Variants in KLF12 observed in about 807,000 individuals in gnomAD.
KLF12 encodes the protein KLF transcription factor 12.
Under a neutral mutation model 37.8 loss-of-function variants are expected in KLF12, and 9 were observed. The ratio of observed to expected loss-of-function variants is 0.24; its 90% CI spans 0.14 to 0.42. KLF12 has a LOEUF of 0.42. Ranked by LOEUF, KLF12 falls within the 10% of genes least tolerant of loss-of-function variation. The probability of loss-of-function intolerance (pLI) is 1.00; values close to 1 mark genes in which losing one functional copy is unlikely to be tolerated. For missense variants in KLF12, 411 were observed against 516.0 expected (o/e 0.80, Z 1.97); for synonymous variants, 208 against 202.1 (o/e 1.03, Z -0.25).
chr13:74,022,769 G>A (rs552816997), intron 1 of KLF12, among the ~76,000 whole-genome samples: 3 of 150,636 alleles, frequency 2.0e-5, no homozygotes, highest in East Asian at 1.9e-4. Context: ...CGTATTGGCC[G>A]CCTCCTTTGA....
At chr13:73,896,958 G>A (rs1340758084) in intron 3 of KLF12, among the ~76,000 whole-genome samples, 1 of 152,074 alleles carries the variant, frequency 6.6e-6, no homozygotes, top group African/African-American at 2.4e-5. Context: ...CCTGGGCAAA[G>A]TCTTTGTCAT....
At chr13:73,700,582 T>TA (rs1566305329) in intron 7 of KLF12, among the ~76,000 whole-genome samples, 4 of 150,060 alleles carry the variant, frequency 2.7e-5, no homozygotes, top group Admixed American at 6.6e-5. Context: ...TCACCATGCT[T>TA]AAAAAAAAAA....
chr13:74,033,907 A>T (rs1301519838), intron 1 of KLF12, among the ~76,000 whole-genome samples: 4 of 151,708 alleles, frequency 2.6e-5, no homozygotes, highest in African/African-American at 9.7e-5. Flanking sequence ...TAGTTATTAC[A>T]GTTTCTTCCA....
intron 6 of KLF12, among the ~76,000 whole-genome samples, chr13:73,738,826 A>C (rs779130242): frequency 6.6e-6 from 1 of 152,184 alleles, no homozygotes; most frequent in Non-Finnish European, 1.5e-5. Flanking sequence ...TGAGGTTTAC[A>C]GTTAAATGCC....
At chr13:73,972,709 T>C (rs1891382934) in intron 2 of KLF12, among the ~76,000 whole-genome samples, 1 of 150,530 alleles carries the variant, frequency 6.6e-6, no homozygotes, top group African/African-American at 2.5e-5. Flanking sequence ...GACTCCTGGC[T>C]GAAATCTTGC....
intron 2 of KLF12, among the ~76,000 whole-genome samples, chr13:73,952,171 A>C (rs1462666211): frequency 6.6e-6 from 1 of 152,222 alleles, no homozygotes; most frequent in African/African-American, 2.4e-5. Flanking sequence ...GAGTCAGGTC[A>C]TGAAGGGTTG....
At chr13:73,823,607 C>T (rs568851291) in intron 4 of KLF12, among the ~76,000 whole-genome samples, 24 of 152,272 alleles carry the variant, frequency 1.6e-4, no homozygotes, top group Non-Finnish European at 2.5e-4. Context: ...AAGATATGGT[C>T]TAAGACTATC....
At chr13:74,024,769 G>C (rs1047899033) in intron 1 of KLF12, among the ~76,000 whole-genome samples, 5 of 152,072 alleles carry the variant, frequency 3.3e-5, no homozygotes, top group African/African-American at 1.2e-4. Context: ...TGCACTTGAG[G>C]GGGAAAAAGT....
At chr13:73,853,950 T>C (rs554689591) in intron 3 of KLF12, among the ~76,000 whole-genome samples, 2 of 152,332 alleles carry the variant, frequency 1.3e-5, no homozygotes, top group African/African-American at 2.4e-5. Context: ...ATCCTACTTA[T>C]ATGGCCAGAA....
chr13:74,002,178 T>C (rs1413645073), intron 1 of KLF12, among the ~76,000 whole-genome samples: 1 of 152,182 alleles, frequency 6.6e-6, no homozygotes, highest in African/African-American at 2.4e-5. Flanking sequence ...ATATCATCTA[T>C]GTATCTCCGA....
intron 7 of KLF12, among the ~76,000 whole-genome samples, chr13:73,710,336 T>C (rs1875274299): frequency 6.6e-6 from 1 of 152,080 alleles, no homozygotes; most frequent in Admixed American, 6.6e-5. Flanking sequence ...AGGCATATCT[T>C]ATTTTCCTGC....
chr13:73,782,695 T>C (rs1371734628), intron 5 of KLF12, among the ~76,000 whole-genome samples: 1 of 152,240 alleles, frequency 6.6e-6, no homozygotes, highest in Non-Finnish European at 1.5e-5. Context: ...ACTAATTATC[T>C]GCTGATTAGG....
At chr13:74,159,209 C>T in the KLF12 span, among the ~76,000 whole-genome samples, 2 of 152,202 alleles carry the variant, frequency 1.3e-5, no homozygotes, top group Non-Finnish European at 2.9e-5. Context: ...GCCCATATAA[C>T]CCTGTGTGGC....
At chr13:73,742,744 G>A (rs906255541) in intron 6 of KLF12, among the ~76,000 whole-genome samples, 2 of 152,152 alleles carry the variant, frequency 1.3e-5, no homozygotes, top group Non-Finnish European at 2.9e-5. Context: ...TTCTCTTTAA[G>A]ATAGAGGTCA....
intron 2 of KLF12, among the ~76,000 whole-genome samples, chr13:73,959,651 T>C (rs1890958071): frequency 6.6e-6 from 1 of 152,008 alleles, no homozygotes; most frequent in African/African-American, 2.4e-5. Flanking sequence ...GTACTACATA[T>C]GTAAAATTAT....
chr13:73,768,028 T>A (rs1386895428), intron 5 of KLF12, among the ~76,000 whole-genome samples: 2 of 152,168 alleles, frequency 1.3e-5, no homozygotes, highest in East Asian at 3.9e-4. Context: ...AGAAAAGCTG[T>A]GATAACTTAA....
chr13:74,253,011 C>G, the KLF12 span, among the ~76,000 whole-genome samples: 1 of 130,212 alleles, frequency 7.7e-6, no homozygotes, highest in East Asian at 2.0e-4. Flanking sequence ...ATCTATCTAT[C>G]TATCTATCTA....
intron 1 of KLF12, among the ~76,000 whole-genome samples, chr13:74,097,736 G>C (rs1876063410): frequency 6.6e-6 from 1 of 151,620 alleles, no homozygotes; most frequent in Admixed American, 6.6e-5. Context: ...GTGTGTGTGT[G>C]TATGTTCATG....
At chr13:73,754,118 C>T (rs947412543) in intron 6 of KLF12, among the ~76,000 whole-genome samples, 1 of 152,038 alleles carries the variant, frequency 6.6e-6, no homozygotes, top group Non-Finnish European at 1.5e-5. Context: ...ACATAGAATA[C>T]GATGTGAATA....
Sources: gnomAD v4.1 joint callset for allele counts (sites outside exome capture counted in the v4.1 genomes callset) on GRCh38, gnomAD v4.1.1 for gene constraint, MANE v1.5 for transcripts, NCBI Gene and HGNC (gene_info 2026-07-23, HGNC 2026-07-21) for gene names.